Variants in HSPBAP1 observed in about 807,000 individuals in gnomAD.
HSPBAP1 encodes the protein HSPB1-associated protein 1.
A neutral mutation model predicts 45.2 loss-of-function variants in HSPBAP1; 27 were observed. That is an observed-to-expected ratio of 0.60 (90% CI 0.44 to 0.82). The LOEUF is 0.82. Ranked by LOEUF, HSPBAP1 falls within the 40% of genes least tolerant of loss-of-function variation. The pLI is 0.00. For synonymous variants in HSPBAP1, 204 were observed against 202.7 expected (o/e 1.01, Z -0.06); for missense variants, 510 against 590.9 (o/e 0.86, Z 1.42).
intron 6 of HSPBAP1, among the ~76,000 whole-genome samples, chr3:122,747,248 G>A (rs1049322968): frequency 2.6e-5 from 4 of 151,330 alleles, no homozygotes; most frequent in African/African-American, 9.8e-5. Context: ...AGGAAGTGAG[G>A]AGCGTCTCTG....
rs141646193 is a variant in HSPBAP1, at chr3:122,749,300, C to T, written c.825+3291G>A. Among the ~76,000 whole-genome samples the T allele has an allele frequency of 7.3e-4, 111 of 152,086 alleles. 1 individual carries two copies. In the East Asian group the frequency reaches 0.017, roughly 24 times the overall value. On this transcript the variant is annotated intron_variant, in intron 6 of 7. Coordinates refer to ENST00000306103, the MANE Select transcript of HSPBAP1 (RefSeq NM_024610.6). ...AGACTTCCCTGAGTATAACTTTTAA[C>T]ATAGTTTTGACAAGTTAAATGTTCT...
At position 122,759,216 on chromosome 3, in the gene HSPBAP1, C is replaced by CACAT. The variant is rs1553753518; in HGVS notation, c.569+4_569+7dup. 1 of 1,609,826 alleles carries CACAT rather than the reference C, an allele frequency of 6.2e-7. No homozygotes were observed. The highest frequency in any genetic ancestry group is 8.5e-7 in the Non-Finnish European group (1 of 1,178,130). ...ACACACACACACACACACACACACA[C>CACAT]ACATTACCTTCCTTGTACCTGGAAT... On this transcript the variant is annotated splice_region_variant and intron_variant, in intron 4 of 7. Transcript: ENST00000306103.
chr3:122,760,861 A>G (rs1934556936), intron 3 of HSPBAP1, among the ~76,000 whole-genome samples: 1 of 152,208 alleles, frequency 6.6e-6, no homozygotes, highest in African/African-American at 2.4e-5. Flanking sequence ...GTTCAGGCCA[A>G]TGACATTTTT....
Position 122,785,238 on chromosome 3 carries a change from G to A in HSPBAP1, c.65-7332C>T, listed in dbSNP as rs114279253. ...GAGGAGTGCATGAGTGTATGTGCAC[G>A]TGCACTCATGGCAGGGAGTGCTAGT... On this transcript the variant is annotated intron_variant, in intron 1 of 7. Coordinates refer to ENST00000306103, the MANE Select transcript of HSPBAP1 (RefSeq NM_024610.6). 1.7e-4 allele frequency among the ~76,000 whole-genome samples: 26 copies of A among 152,308 alleles called. No homozygotes were observed. The East Asian group carries it at 4.6e-3, about 27-fold the overall frequency.
chr3:122,777,755 T>C lies in HSPBAP1; in HGVS notation c.216A>G (p.Ile72Met). ...TGCTTTTCATCCCCATTCTGAATCG[T>C]ATCTGCTTGCCATGAAGGACCTGCG... The part of the protein sequence containing the change: ...YLSQVLHGKQ[I>M]RFRMGMKSMS... Residue 72 changes from isoleucine to methionine, a missense_variant, in exon 2 of 8, where the codon ATA (isoleucine) becomes ATG (methionine). Ile to Met is a conservative substitution (Grantham distance 10). Coordinates refer to ENST00000306103, the MANE Select transcript of HSPBAP1 (RefSeq NM_024610.6). 2 of 1,614,044 alleles carry C rather than the reference T, an allele frequency of 1.2e-6. No homozygotes were observed. The highest frequency in any genetic ancestry group is 1.7e-6 in the Non-Finnish European group (2 of 1,179,936).
At chr3:122,778,382 A>G (rs776724736) in intron 1 of HSPBAP1, among the ~76,000 whole-genome samples, 23 of 151,982 alleles carry the variant, frequency 1.5e-4, no homozygotes, top group Non-Finnish European at 2.9e-4. Context: ...TTGGTTGCCT[A>G]TAGACTACAA....
At chr3:122,792,076 T>G (rs887126431) in intron 1 of HSPBAP1, among the ~76,000 whole-genome samples, 1 of 152,152 alleles carries the variant, frequency 6.6e-6, no homozygotes, top group African/African-American at 2.4e-5. Flanking sequence ...AGTCATTACC[T>G]GAAATTAAGA....
At chr3:122,748,852 A>C (rs755410760) in intron 6 of HSPBAP1, among the ~76,000 whole-genome samples, 21 of 152,216 alleles carry the variant, frequency 1.4e-4, no homozygotes, top group Non-Finnish European at 2.6e-4. Context: ...CTATCCTTAA[A>C]GGAACTAATG....
chr3:122,774,820 A>G (rs748812888), intron 2 of HSPBAP1, among the ~76,000 whole-genome samples: 3 of 152,198 alleles, frequency 2.0e-5, no homozygotes, highest in Non-Finnish European at 4.4e-5. Flanking sequence ...AAGACAGGCA[A>G]TCAGAATGAT....
At chr3:122,777,620 G>A in intron 2 of HSPBAP1, 101 bp downstream of exon 2, 1 of 765,942 alleles carries the variant, frequency 1.3e-6, no homozygotes, top group Non-Finnish European at 2.1e-6. Flanking sequence ...GTCAAAAAAA[G>A]GATTAGAAAG....
At chr3:122,791,389 T>C (rs778858320) in intron 1 of HSPBAP1, among the ~76,000 whole-genome samples, 9 of 152,246 alleles carry the variant, frequency 5.9e-5, no homozygotes, top group Non-Finnish European at 1.0e-4. Flanking sequence ...GCTTTCTCCT[T>C]TTGCCTCTGG....
chr3:122,785,238 G>T (rs114279253), intron 1 of HSPBAP1, among the ~76,000 whole-genome samples: 2,897 of 152,304 alleles, frequency 0.019, 46 homozygotes, highest in Non-Finnish European at 0.026. Context: ...GTATGTGCAC[G>T]TGCACTCATG....
At chr3:122,755,215 T>C (rs1553752921) in intron 5 of HSPBAP1, 45 bp downstream of exon 5, 1 of 1,440,928 alleles carries the variant, frequency 6.9e-7, no homozygotes, top group Non-Finnish European at 9.2e-7. Context: ...GAGTTACAGC[T>C]GTGGTGTCCC....
intron 3 of HSPBAP1, among the ~76,000 whole-genome samples, chr3:122,767,866 G>A (rs1347358764): frequency 6.6e-6 from 1 of 152,030 alleles, no homozygotes; most frequent in Non-Finnish European, 1.5e-5. Flanking sequence ...GAGAAGGGGT[G>A]AACAGCCTGC....
In HSPBAP1 at chr3:122,755,388, A is replaced by G. The variant is rs1357220879; in HGVS notation, c.613T>C (p.Tyr205His). ...TCTTCATAAGGGATTCTAGTTGGAT[A>G]AAGGAAAGGAGTATCTTCAGGAGGA... is the stretch of plus-strand genomic sequence containing the variant. ...LFPPEDTPFLYPTRIPYEESS... is the reference protein window; with the variant it reads ...LFPPEDTPFLHPTRIPYEESS... The change falls in exon 5 of 8, where the codon TAT becomes CAT. Residue 205 changes from tyrosine to histidine, a missense_variant. Physicochemically the swap from Tyr to His is moderately conservative, Grantham distance 83 (BLOSUM62 2). Coordinates refer to ENST00000306103, the MANE Select transcript of HSPBAP1 (RefSeq NM_024610.6). 1 of 1,588,744 alleles carries G rather than the reference A, an allele frequency of 6.3e-7. No homozygotes were observed. The highest frequency in any genetic ancestry group is 2.3e-5 in the East Asian group (1 of 43,438).
chr3:122,783,931 C>T (rs1935573703), intron 1 of HSPBAP1, among the ~76,000 whole-genome samples: 1 of 151,966 alleles, frequency 6.6e-6, no homozygotes, highest in African/African-American at 2.4e-5. Context: ...CCCGGGTTCA[C>T]GCCATTCTCC....
chr3:122,756,612 T>C lies in HSPBAP1; in HGVS notation c.570-1181A>G, dbSNP rs533949993. Among the ~76,000 whole-genome samples, 208 of 151,882 alleles carry C rather than the reference T, an allele frequency of 1.4e-3. 2 individuals carry two copies. Among genetic ancestry groups the C allele is most frequent in the South Asian group, 6.2e-3 (30 of 4,808 alleles). On this transcript the variant is annotated intron_variant, in intron 4 of 7. Coordinates refer to ENST00000306103, the MANE Select transcript of HSPBAP1 (RefSeq NM_024610.6). ...ACTCAGGAGGCTGAGGTGGGAGGAT[T>C]GTTTGAGCCCAGGAGTTCGAGGAAG...
chr3:122,775,594 G>A (rs1475114620), intron 2 of HSPBAP1, among the ~76,000 whole-genome samples: 2 of 152,152 alleles, frequency 1.3e-5, no homozygotes, highest in East Asian at 1.9e-4. Context: ...GATTACAGGC[G>A]TGAGCCACTG....
chr3:122,777,463 A>G (rs746811648), intron 2 of HSPBAP1, among the ~76,000 whole-genome samples: 20 of 152,242 alleles, frequency 1.3e-4, no homozygotes, highest in Non-Finnish European at 2.5e-4. Flanking sequence ...CAATATACAT[A>G]TAAGATACAT....
Sources: allele counts gnomAD v4.1 joint callset (sites outside exome capture counted in the v4.1 genomes callset), GRCh38; gene constraint gnomAD v4.1.1; transcripts MANE v1.5; gene names NCBI Gene and HGNC (gene_info 2026-07-23, HGNC 2026-07-21).